Variants in RABGAP1 observed in about 807,000 individuals in gnomAD.
RABGAP1 encodes RAB GTPase activating protein 1.
In RABGAP1, 23 loss-of-function variants were observed where a neutral mutation model predicts 137.6. That is an observed-to-expected ratio of 0.17 (90% CI 0.12 to 0.24). The LOEUF is 0.24. Among genes scored for constraint, RABGAP1 ranks in the 10% least tolerant of loss-of-function variants. The pLI, the probability that RABGAP1 is intolerant of heterozygous loss-of-function variation, is 1.00. For missense variants in RABGAP1, 906 were observed against 1,275.8 expected (o/e 0.71, Z 4.42); for synonymous variants, 451 against 450.7 (o/e 1.00, Z -0.01).
chr9:123,059,263 A>C (rs2033869785), intron 13 of RABGAP1, among the ~76,000 whole-genome samples: 1 of 152,062 alleles, frequency 6.6e-6, no homozygotes, highest in Admixed American at 6.5e-5. Flanking sequence ...ATATGTTAAA[A>C]CCTAACCATG....
In RABGAP1 at chr9:123,089,904, G is replaced by A. The variant is rs574581622; in HGVS notation, c.2517+54G>A. On this transcript the variant is annotated intron_variant, in intron 20 of 25. Coordinates refer to ENST00000373647, the MANE Select transcript of RABGAP1 (RefSeq NM_012197.4). ...GAGCTCCCATGCTTTCATTTCATATGATTGCGCCTGTAACTAGCTTTATTG... is the reference window on the plus strand; with the variant it reads ...GAGCTCCCATGCTTTCATTTCATATAATTGCGCCTGTAACTAGCTTTATTG... 2.7e-6 allele frequency: 4 copies of A among 1,455,804 alleles called. No individual in the cohort carries two copies. The East Asian group carries it at 9.4e-5, about 34-fold the overall frequency. The allele number at this position is 1,455,804 out of a possible 1,614,324, so 90.2% of individuals were successfully genotyped here.
chr9:123,014,343 G>A (rs1490837613), intron 11 of RABGAP1, among the ~76,000 whole-genome samples: 2 of 152,122 alleles, frequency 1.3e-5, no homozygotes, highest in Non-Finnish European at 2.9e-5. Context: ...GCCTTTTAAA[G>A]TATGTTTGTG....
At position 123,090,272 on chromosome 9, in the gene RABGAP1, C is replaced by T. The variant is rs779967411; in HGVS notation, c.2518-3C>T. ...CTGTAACTGGTTTCTTTCTACCCTT[C>T]AGCGGGAGAATAGGCGTCTACAAGA... is the stretch of plus-strand genomic sequence containing the variant. On this transcript the variant is annotated splice_region_variant and splice_polypyrimidine_tract_variant and intron_variant, in intron 20 of 25. Coordinates refer to ENST00000373647, the MANE Select transcript of RABGAP1 (RefSeq NM_012197.4). 8.1e-6 allele frequency: 13 copies of T among 1,606,394 alleles called. No individual in the cohort carries two copies. The highest frequency in any genetic ancestry group is 6.7e-5 in the Admixed American group (4 of 59,316).
intron 13 of RABGAP1, among the ~76,000 whole-genome samples, chr9:123,037,760 C>T (rs567539580): frequency 1.3e-5 from 2 of 152,140 alleles, no homozygotes; most frequent in South Asian, 4.2e-4. Flanking sequence ...GGAGATGCTC[C>T]TGGACACAGT....
At chr9:123,054,249 T>C (rs967972637) in intron 13 of RABGAP1, among the ~76,000 whole-genome samples, 2 of 152,234 alleles carry the variant, frequency 1.3e-5, no homozygotes, top group Non-Finnish European at 2.9e-5. Flanking sequence ...GAACAGAGCC[T>C]ACCTGTGATT....
intron 14 of RABGAP1, among the ~76,000 whole-genome samples, chr9:123,067,282 A>C (rs1296352822): frequency 6.6e-6 from 1 of 152,134 alleles, no homozygotes; most frequent in African/African-American, 2.4e-5. Flanking sequence ...TCTTAGCTTC[A>C]TTCTCTCTCT....
chr9:122,958,796 C>T (rs1834685605), intron 2 of RABGAP1, among the ~76,000 whole-genome samples: 1 of 151,984 alleles, frequency 6.6e-6, no homozygotes, highest in Admixed American at 6.6e-5. Context: ...ATCACTTGAG[C>T]CTAGGAGTTG....
Position 123,046,031 on chromosome 9 carries a change from G to A in RABGAP1, c.1795-19317G>A, listed in dbSNP as rs147406492. 7.6e-4 allele frequency among the ~76,000 whole-genome samples: 116 copies of A among 152,302 alleles called. 3 individuals carry two copies. The highest frequency in any genetic ancestry group is 1.5e-3 in the South Asian group (7 of 4,818). On this transcript the variant is annotated intron_variant, in intron 13 of 25. Coordinates refer to ENST00000373647, the MANE Select transcript of RABGAP1 (RefSeq NM_012197.4). ...AAAGGCCTTGGGTGAATGTGGAGTG[G>A]CCTGGTGTGCTTCCTTCTCTCAGGG...
At chr9:122,995,522 T>A (rs1256809195) in intron 6 of RABGAP1, among the ~76,000 whole-genome samples, 9 of 152,130 alleles carry the variant, frequency 5.9e-5, no homozygotes, top group African/African-American at 2.2e-4. Context: ...GTGATTTTTT[T>A]AGCTTTATAA....
In RABGAP1 at chr9:122,996,082, G is replaced by A. The variant is rs1049926811; in HGVS notation, c.965G>A (p.Arg322His). Residue 322 changes from arginine (R) to histidine (H), a missense_variant, in exon 7 of 26, where the codon CGC becomes CAC. Coordinates refer to ENST00000373647, the MANE Select transcript of RABGAP1 (RefSeq NM_012197.4). The stretch of plus-strand genomic sequence containing the variant: ...AAGGACAGACAGTGCTTTAAACTAC[G>A]CCAAGGAATTGATAAGAAGATTGTC... ...KDKDRQCFKLRQGIDKKIVIY... is the reference protein window; with the variant it reads ...KDKDRQCFKLHQGIDKKIVIY... 12 of 1,613,324 alleles carry A rather than the reference G, an allele frequency of 7.4e-6. No homozygotes were observed. The highest frequency in any genetic ancestry group is 1.1e-5 in the South Asian group (1 of 90,874).
intron 10 of RABGAP1, among the ~76,000 whole-genome samples, chr9:123,001,700 G>C (rs1837332145): frequency 6.6e-6 from 1 of 152,132 alleles, no homozygotes; most frequent in Admixed American, 6.5e-5. Flanking sequence ...TCAACTCTCT[G>C]AGTCTCAGTT....
chr9:122,973,179 C>G (rs1305942323), intron 2 of RABGAP1, among the ~76,000 whole-genome samples: 1 of 152,126 alleles, frequency 6.6e-6, no homozygotes, highest in Non-Finnish European at 1.5e-5. Context: ...CAAAGATACT[C>G]TATAAATACT....
chr9:122,959,767 A>G (rs1834752737), intron 2 of RABGAP1, among the ~76,000 whole-genome samples: 1 of 152,192 alleles, frequency 6.6e-6, no homozygotes, highest in Admixed American at 6.5e-5. Context: ...CAGGAGCAAG[A>G]TATCATTATT....
intron 21 of RABGAP1, among the ~76,000 whole-genome samples, chr9:123,096,499 C>A (rs959690546): frequency 6.6e-6 from 1 of 152,232 alleles, no homozygotes; most frequent in African/African-American, 2.4e-5. Context: ...AATTTAATTG[C>A]GTGCATTTGC....
chr9:123,025,543 C>CTTTTCTTTT (rs1554719836), intron 13 of RABGAP1, among the ~76,000 whole-genome samples: 1 of 74,998 alleles, frequency 1.3e-5, no homozygotes, highest in African/African-American at 4.5e-5. Flanking sequence ...TCTTTCTTTT[C>CTTTTCTTTT]TTTTTTTTTT....
Position 123,065,420 on chromosome 9 carries a change from A to G in RABGAP1, c.1867A>G (p.Thr623Ala). 1.2e-6 allele frequency: 2 copies of G among 1,612,624 alleles called. No individual in the cohort carries two copies. Among genetic ancestry groups the G allele is most frequent in the Non-Finnish European group, 1.7e-6 (2 of 1,178,672 alleles). Residue 623 changes from threonine (T) to alanine (A), a missense_variant, in exon 14 of 26, where the codon ACA (threonine) becomes GCA (alanine). By Grantham distance (58) the Thr-to-Ala change is moderately conservative (BLOSUM62 0). This residue lies in a region of RABGAP1 where 30 missense variants were observed against 105.8 expected (regional missense o/e 0.28). Transcript: ENST00000373647. ...TFPAHDYFKD[T>A]GGDGQDSLYK... ...CCCAGCCCATGACTACTTTAAGGAC[A>G]CAGGAGGAGATGGACAAGATTCCTT...
intron 13 of RABGAP1, among the ~76,000 whole-genome samples, chr9:123,043,664 A>G (rs1329209089): frequency 6.6e-6 from 1 of 152,058 alleles, no homozygotes; most frequent in Non-Finnish European, 1.5e-5. Context: ...TGGGTGTAAC[A>G]GAGCTACAGT....
Position 123,100,061 on chromosome 9 carries a change from C to T in RABGAP1, c.2889+512C>T, listed in dbSNP as rs145782004. On this transcript the variant is annotated intron_variant, in intron 24 of 25. Coordinates refer to ENST00000373647, the MANE Select transcript of RABGAP1 (RefSeq NM_012197.4). ...CTGGCCTTGAAATCCTGGGCTCAAG[C>T]GAAATCCCTCCCTCAGCCTGAGCTG... 3.6e-3 allele frequency among the ~76,000 whole-genome samples: 545 copies of T among 152,192 alleles called. 3 individuals are homozygous for T. Among genetic ancestry groups the T allele is most frequent in the African/African-American group, 0.012 (494 of 41,518 alleles).
chr9:122,996,535 G>A lies in RABGAP1; in HGVS notation c.1035-4G>A. Reference sequence around the variant, plus strand: ...TTAAATTTATGTCAGTTCTTTTTTTGTAGGTGTTTTGGTCTTCTCCTTAGT... The same window carrying A: ...TTAAATTTATGTCAGTTCTTTTTTTATAGGTGTTTTGGTCTTCTCCTTAGT... On this transcript the variant is annotated splice_region_variant and splice_polypyrimidine_tract_variant and intron_variant, in intron 7 of 25. Transcript: ENST00000373647. The A allele has an allele frequency of 6.3e-7, 1 of 1,596,134 alleles. No homozygotes were observed. The highest frequency in any genetic ancestry group is 8.5e-7 in the Non-Finnish European group (1 of 1,173,046).
Sources: gnomAD v4.1 joint callset for allele counts (sites outside exome capture counted in the v4.1 genomes callset) on GRCh38, gnomAD v4.1.1 for gene constraint, gnomAD v4.1.1 regional missense constraint, MANE v1.5 for transcripts, NCBI Gene and HGNC (gene_info 2026-07-23, HGNC 2026-07-21) for gene names.